EVI5L: variants seen among roughly 807,000 people sequenced by gnomAD.
EVI5L encodes the protein ecotropic viral integration site 5 like.
Under a neutral mutation model 106.1 loss-of-function variants are expected in EVI5L, and 30 were observed. The ratio of observed to expected loss-of-function variants is 0.28; its 90% confidence interval spans 0.21 to 0.38. The LOEUF (loss-of-function observed/expected upper bound fraction) is 0.38. EVI5L is among the 10% of genes least tolerant of loss of function. EVI5L has a pLI of 1.00. For missense variants in EVI5L, 809 were observed against 1,098.0 expected (o/e 0.74, Z 3.72); for synonymous variants, 489 against 483.3 (o/e 1.01, Z -0.15).
In EVI5L at chr19:7,851,793, G is replaced by T. The variant is rs748486898; in HGVS notation, c.987+23G>T. The T allele has an allele frequency of 4.0e-6, 6 of 1,483,424 alleles. No homozygotes were observed. In the East Asian group the frequency reaches 7.4e-5, roughly 18 times the overall value. The allele number at this position is 1,483,424 out of a possible 1,614,324, so 91.9% of individuals were successfully genotyped here. A position where few individuals can be genotyped will look rare whatever the true frequency, so the allele number is the denominator to read the frequency against. ...CAGGTGGGCCGGGAGGGCCAGGGCCGGTGGGGCTGCCCCCAATCAGGGGCT... is the reference window on the plus strand; with the variant it reads ...CAGGTGGGCCGGGAGGGCCAGGGCCTGTGGGGCTGCCCCCAATCAGGGGCT... On this transcript the variant is annotated intron_variant, in intron 8 of 19. Transcript: ENST00000538904.
Position 7,864,105 on chromosome 19 carries a change from G to A in EVI5L, c.*403G>A, listed in dbSNP as rs556945170. ...GGGACAGGGGCGACATTGCTGGGAA[G>A]TGCTCAGGAGGTAGCCGAGGCCTGA... On this transcript the variant is annotated 3_prime_UTR_variant, in exon 20 of 20. Coordinates refer to ENST00000538904, the MANE Select transcript of EVI5L (RefSeq NM_001159944.3). This position sits in a 1 kb window ranked among gnomAD's most constrained non-coding sequence, Gnocchi z 4.5. 8 of 195,118 alleles carry A rather than the reference G, an allele frequency of 4.1e-5. No individual in the cohort carries two copies. Among genetic ancestry groups the A allele is most frequent in the Admixed American group, 3.7e-4 (6 of 16,358 alleles). The allele number at this position is 195,118 out of a possible 1,614,324, so 12.1% of individuals were successfully genotyped here.
rs1248063323 is a variant in EVI5L at position 7,835,173 on chromosome 19, T to A, written c.-48+4792T>A. Among the ~76,000 whole-genome samples, 1 of 149,940 alleles carries A rather than the reference T, an allele frequency of 6.7e-6. No individual in the cohort carries two copies. Among genetic ancestry groups the A allele is most frequent in the South Asian group, 2.1e-4 (1 of 4,722 alleles). The stretch of plus-strand genomic sequence containing the variant: ...TAAAAATAAAAATAAACAAAAAAAA[T>A]TGAGGCAAAATACATCATACCCAAG... On this transcript the variant is annotated intron_variant, in intron 1 of 19. Coordinates refer to ENST00000538904, the MANE Select transcript of EVI5L (RefSeq NM_001159944.3). The surrounding 1 kb of genome is among the most constrained non-coding windows in gnomAD (Gnocchi z 4.1).
At chr19:7,843,428 TCG>T (rs1978781432) in intron 1 of EVI5L, among the ~76,000 whole-genome samples, 1 of 53,364 alleles carries the variant, frequency 1.9e-5, no homozygotes, top group African/African-American at 5.6e-5. Flanking sequence ...CATGGGTGTG[TCG>T]AGAGTGTGTG....
At position 7,847,866 on chromosome 19, in the gene EVI5L, G is replaced by T; in HGVS notation, c.272G>T (p.Gly91Val). 1 of 1,596,842 alleles carries T rather than the reference G, an allele frequency of 6.3e-7. No individual in the cohort carries two copies. The highest frequency in any genetic ancestry group is 8.5e-7 in the Non-Finnish European group (1 of 1,171,642). Residue 91 changes from glycine to valine, a missense_variant, in exon 3 of 20, where the codon GGC (glycine) becomes GTC (valine). Around this residue, in one of 2 missense-constraint regions of EVI5L, gnomAD observed 357 missense variants for 588.1 expected, o/e 0.61. Coordinates refer to ENST00000538904, the MANE Select transcript of EVI5L (RefSeq NM_001159944.3). Reference sequence around the variant, plus strand: ...GAGGAGGACACGTGGATCCTGTGGGGCCGGATCGCCAACGAGTGGGAGGAG... The same window carrying T: ...GAGGAGGACACGTGGATCCTGTGGGTCCGGATCGCCAACGAGTGGGAGGAG... ...HLEEDTWILW[G>V]RIANEWEEWR...
chr19:7,843,309 G>A (rs1025600364), intron 1 of EVI5L, among the ~76,000 whole-genome samples: 1 of 145,050 alleles, frequency 6.9e-6, no homozygotes, highest in Admixed American at 6.9e-5. Flanking sequence ...GTGTGTGAGA[G>A]AATAGGCATG....
chr19:7,858,020 C>T lies in EVI5L; in HGVS notation c.1234-171C>T. On this transcript the variant is annotated intron_variant, in intron 12 of 19. Coordinates refer to ENST00000538904, the MANE Select transcript of EVI5L (RefSeq NM_001159944.3). This position sits in a 1 kb window ranked among gnomAD's most constrained non-coding sequence, Gnocchi z 5.7. Reference sequence around the variant, plus strand: ...GTCCTATTCCTGCCTGTCACCCACCCACGTCCCCAGGCCCAGTGGGACGCT... The same window carrying T: ...GTCCTATTCCTGCCTGTCACCCACCTACGTCCCCAGGCCCAGTGGGACGCT... 1 of 712,052 alleles carries T rather than the reference C, an allele frequency of 1.4e-6. No individual in the cohort carries two copies. Among genetic ancestry groups the T allele is most frequent in the Non-Finnish European group, 2.3e-6 (1 of 439,622 alleles). 44.1% of individuals were successfully genotyped at this position (712,052 alleles called of 1,614,324 possible). A position where few individuals can be genotyped will look rare whatever the true frequency, so the allele number is the denominator to read the frequency against.
In EVI5L at chr19:7,863,588, G is replaced by C; in HGVS notation, c.2304G>C (p.Pro768=). 5 of 1,585,502 alleles carry C rather than the reference G, an allele frequency of 3.2e-6. No homozygotes were observed. The highest frequency in any genetic ancestry group is 4.3e-6 in the Non-Finnish European group (5 of 1,166,664). The change falls in exon 20 of 20, where the codon CCG becomes CCC. Residue 768 remains proline, a synonymous_variant. Coordinates refer to ENST00000538904, the MANE Select transcript of EVI5L (RefSeq NM_001159944.3). This position sits in a 1 kb window ranked among gnomAD's most constrained non-coding sequence, Gnocchi z 7.7. Reference sequence around the variant, plus strand: ...AGGACGCATTGTACCCTCTGTCCCCGCGCGATGCGCGCTTCTTCCGCCGTC... The same window carrying C: ...AGGACGCATTGTACCCTCTGTCCCCCCGCGATGCGCGCTTCTTCCGCCGTC... ...ALQDALYPLS[P]RDARFFRRLE...
At chr19:7,843,423 G>T (rs967630739) in intron 1 of EVI5L, among the ~76,000 whole-genome samples, 2 of 67,566 alleles carry the variant, frequency 3.0e-5, no homozygotes, top group African/African-American at 4.5e-5. Flanking sequence ...ATAGGCATGG[G>T]TGTGTCGAGA....
intron 10 of EVI5L, 37 bp from the exon 11 acceptor site, chr19:7,855,978 G>T: frequency 7.6e-7 from 1 of 1,321,838 alleles, no homozygotes; most frequent in Non-Finnish European, 9.7e-7. Context: ...CAGGCGTGGG[G>T]GGCGGGCTAT....
rs533036728 is a variant in EVI5L at position 7,863,320 on chromosome 19, C to T, written c.2139+40C>T. 7.1e-6 allele frequency: 11 copies of T among 1,548,688 alleles called. No individual in the cohort carries two copies. In the South Asian group the frequency reaches 8.3e-5, roughly 12 times the overall value. On this transcript the variant is annotated intron_variant, in intron 19 of 19. Coordinates refer to ENST00000538904, the MANE Select transcript of EVI5L (RefSeq NM_001159944.3). This position sits in a 1 kb window ranked among gnomAD's most constrained non-coding sequence, Gnocchi z 7.7. The stretch of plus-strand genomic sequence containing the variant: ...GGATGCCGGGGACAGGCCTGGGTGT[C>T]GTCGGCCTGGGACGAGCCGAGCGCA...
intron 1 of EVI5L, among the ~76,000 whole-genome samples, chr19:7,839,420 G>A (rs1599560865): frequency 6.6e-6 from 1 of 152,078 alleles, no homozygotes; most frequent in Admixed American, 6.6e-5. Flanking sequence ...GACTGAGTGT[G>A]CCAAGCAGGG....
chr19:7,840,133 G>A lies in EVI5L; in HGVS notation c.-47-6363G>A, dbSNP rs11260036. 4.7e-3 allele frequency among the ~76,000 whole-genome samples: 710 copies of A among 152,312 alleles called. 12 individuals carry two copies. Among genetic ancestry groups the A allele is most frequent in the East Asian group, 0.044 (230 of 5,176 alleles). On this transcript the variant is annotated intron_variant, in intron 1 of 19. Transcript: ENST00000538904. ...CAAGGGGCCTGCTTCTGTCAGGAAAGCATTGAATTTGAAGAGCATCTCCGC... is the reference window on the plus strand; with the variant it reads ...CAAGGGGCCTGCTTCTGTCAGGAAAACATTGAATTTGAAGAGCATCTCCGC...
intron 1 of EVI5L, among the ~76,000 whole-genome samples, chr19:7,843,687 T>A (rs539031040): frequency 6.6e-5 from 10 of 151,696 alleles, no homozygotes; most frequent in Admixed American, 1.3e-4. Context: ...TGTGTGTGTG[T>A]GAGAATAGGC....
rs1258930466 is a variant in EVI5L at position 7,835,505 on chromosome 19, T to C, written c.-48+5124T>C. On this transcript the variant is annotated intron_variant, in intron 1 of 19. Coordinates refer to ENST00000538904, the MANE Select transcript of EVI5L (RefSeq NM_001159944.3). This position sits in a 1 kb window ranked among gnomAD's most constrained non-coding sequence, Gnocchi z 4.1. ...CCTGGGTGACAGAGGTAGACTCGGT[T>C]TCAAAGAAAAAAGAATAAAAAGAAA... 6.6e-6 allele frequency among the ~76,000 whole-genome samples: 1 copy of C among 151,826 alleles called. No homozygotes were observed. The highest frequency in any genetic ancestry group is 2.4e-5 in the African/African-American group (1 of 41,326).
chr19:7,853,004 C>G (rs529831805), intron 8 of EVI5L, 82 bp from the exon 9 acceptor site: 3 of 1,442,268 alleles, frequency 2.1e-6, no homozygotes, highest in Non-Finnish European at 2.9e-6. Context: ...TCCTGCCCCC[C>G]TCCAGGGCAA....
At chr19:7,842,936 C>T (rs569018460) in intron 1 of EVI5L, among the ~76,000 whole-genome samples, 34 of 145,684 alleles carry the variant, frequency 2.3e-4, no homozygotes, top group African/African-American at 7.4e-4. Flanking sequence ...ACCGGGTGTG[C>T]GTGTATCCGA....
chr19:7,849,044 G>T lies in EVI5L; in HGVS notation c.451G>T (p.Glu151Ter). ...SELLKMSSPC[E>*]KLIRRDIART... ...GCTGCTCAAGATGTCCTCGCCGTGC[G>T]AGAAGCTGATCCGCAGGGACATCGC... Residue 151 changes from glutamate (E) to a stop codon, truncating the protein, a stop_gained, in exon 4 of 20, where the codon GAG becomes TAG. Transcript: ENST00000538904. LOFTEE classifies it high-confidence loss of function. 1 of 1,613,580 alleles carries T rather than the reference G, an allele frequency of 6.2e-7. No individual in the cohort carries two copies. Among genetic ancestry groups the T allele is most frequent in the Non-Finnish European group, 8.5e-7 (1 of 1,179,964 alleles).
At position 7,857,469 on chromosome 19, in the gene EVI5L, G is replaced by A. The variant is rs1030650661; in HGVS notation, c.1233+345G>A. 89 of 486,046 alleles carry A rather than the reference G, an allele frequency of 1.8e-4. No individual in the cohort carries two copies. The highest frequency in any genetic ancestry group is 5.7e-4 in the Middle Eastern group (1 of 1,746). The allele number at this position is 486,046 out of a possible 1,614,324, so 30.1% of individuals were successfully genotyped here. ...AAGGCCCTGGTGTGTGCAGTGCTGC[G>A]GTCACACACACACACAACACATGCA... On this transcript the variant is annotated intron_variant, in intron 12 of 19. Coordinates refer to ENST00000538904, the MANE Select transcript of EVI5L (RefSeq NM_001159944.3). This position sits in a 1 kb window ranked among gnomAD's most constrained non-coding sequence, Gnocchi z 4.5.
intron 14 of EVI5L, among the ~76,000 whole-genome samples, chr19:7,861,366 G>C (rs1297627366): frequency 6.6e-6 from 1 of 152,222 alleles, no homozygotes; most frequent in Non-Finnish European, 1.5e-5. Context: ...ACCCAAACAC[G>C]GGTCAGTGCG....
Sources: allele counts gnomAD v4.1 joint callset (sites outside exome capture counted in the v4.1 genomes callset), GRCh38; gene constraint gnomAD v4.1.1; regional missense constraint gnomAD v4.1.1; non-coding constraint Gnocchi (gnomAD v3.1); transcripts MANE v1.5; gene names NCBI Gene and HGNC (gene_info 2026-07-23, HGNC 2026-07-21).